Variants in MED12L observed in about 807,000 individuals in gnomAD.
MED12L encodes mediator complex subunit 12L, also known as mediator of RNA polymerase II transcription subunit 12-like protein.
A neutral mutation model predicts 281.3 loss-of-function variants in MED12L; 60 were observed. The ratio of observed to expected loss-of-function variants is 0.21; its 90% CI spans 0.17 to 0.26. The LOEUF is 0.26. Among genes scored for constraint, MED12L ranks in the 10% least tolerant of loss-of-function variants. The pLI, the probability that MED12L is intolerant of heterozygous loss-of-function variation, is 1.00. For synonymous variants in MED12L, 974 were observed against 987.2 expected (o/e 0.99, Z 0.25); for missense variants, 2,146 against 2,680.9 (o/e 0.80, Z 4.41).
At chr3:151,165,000 A>G (rs1720509364) in intron 9 of MED12L, among the ~76,000 whole-genome samples, 1 of 147,810 alleles carries the variant, frequency 6.8e-6, no homozygotes, top group Non-Finnish European at 1.5e-5. Context: ...CTTAAAGTAT[A>G]ATAAAAATAA....
At chr3:151,353,417 G>A (rs1753492129) in intron 17 of MED12L, among the ~76,000 whole-genome samples, 1 of 152,196 alleles carries the variant, frequency 6.6e-6, no homozygotes, top group African/African-American at 2.4e-5. Context: ...GAAAAAATAA[G>A]CAGGTTTAAT....
chr3:151,198,826 T>C, intron 16 of MED12L: 1 of 1,613,468 alleles, frequency 6.2e-7, no homozygotes, highest in East Asian at 2.2e-5. Flanking sequence ...AATTTAAAAA[T>C]ATTGCTACAC....
chr3:151,372,902 T>G, intron 27 of MED12L, 136 bp downstream of exon 27: 1 of 629,926 alleles, frequency 1.6e-6, no homozygotes, highest in East Asian at 2.8e-5. Context: ...ATTTTAAGTT[T>G]GCTGAAAAGT....
At chr3:151,128,088 G>A in intron 5 of MED12L, 104 bp downstream of exon 5, 1 of 1,032,126 alleles carries the variant, frequency 9.7e-7, no homozygotes, top group Non-Finnish European at 1.4e-6. Context: ...TGTTGAGAAG[G>A]TCCGTGGTGA....
chr3:151,114,544 A>C (rs1712425844), intron 2 of MED12L, among the ~76,000 whole-genome samples: 1 of 152,190 alleles, frequency 6.6e-6, no homozygotes, highest in Admixed American at 6.5e-5. Flanking sequence ...TTATGCATTC[A>C]GCAGTTACAT....
intron 16 of MED12L, among the ~76,000 whole-genome samples, chr3:151,207,612 G>A (rs565547071): frequency 2.0e-5 from 3 of 152,310 alleles, no homozygotes; most frequent in Non-Finnish European, 4.4e-5. Context: ...GAGAGCTCAT[G>A]GTTATACAAG....
chr3:151,293,982 A>G, intron 16 of MED12L: 1 of 559,562 alleles, frequency 1.8e-6, no homozygotes, highest in Non-Finnish European at 3.2e-6. Context: ...CCTGCCATTC[A>G]CCCATACGCT....
At chr3:151,387,699 C>G in intron 36 of MED12L, 111 bp from the exon 37 acceptor site, 2 of 1,343,086 alleles carry the variant, frequency 1.5e-6, no homozygotes, top group South Asian at 1.4e-5. Context: ...CTCGGGTTCT[C>G]TAGGGCTCAT....
At chr3:151,131,203 T>A (rs1715344104) in intron 5 of MED12L, among the ~76,000 whole-genome samples, 1 of 152,228 alleles carries the variant, frequency 6.6e-6, no homozygotes, top group Admixed American at 6.5e-5. Flanking sequence ...CTTGTCAGTG[T>A]TTTTCCTGAT....
intron 16 of MED12L, among the ~76,000 whole-genome samples, chr3:151,279,033 T>A (rs1023411665): frequency 6.6e-6 from 1 of 152,242 alleles, no homozygotes; most frequent in African/African-American, 2.4e-5. Context: ...CCTTTCAGGC[T>A]CTGTAATATA....
chr3:151,158,070 G>A (rs1719515804), intron 6 of MED12L, among the ~76,000 whole-genome samples: 3 of 152,298 alleles, frequency 2.0e-5, no homozygotes, highest in Middle Eastern at 3.4e-3. Context: ...TATAGGGTCT[G>A]TGTCACCCCC....
chr3:151,216,988 C>T (rs927559080), intron 16 of MED12L, among the ~76,000 whole-genome samples: 1 of 152,118 alleles, frequency 6.6e-6, no homozygotes, highest in Non-Finnish European at 1.5e-5. Context: ...AACCCCCCAG[C>T]GCCTGGCCAT....
Position 151,434,078 on chromosome 3 carries a change from T to C in MED12L, c.*1274T>C, listed in dbSNP as rs757874673. On this transcript the variant is annotated 3_prime_UTR_variant, in exon 45 of 45. Transcript: ENST00000687756. ...ATGCATAAAATTTTGAATGTGAAAATTGCAGGGCATTTTAAAACATATGTG... is the reference window on the plus strand; with the variant it reads ...ATGCATAAAATTTTGAATGTGAAAACTGCAGGGCATTTTAAAACATATGTG... 1.3e-5 allele frequency: 2 copies of C among 152,532 alleles called. No homozygotes were observed. Among genetic ancestry groups the C allele is most frequent in the Non-Finnish European group, 2.9e-5 (2 of 68,032 alleles). The allele number at this position is 152,532 out of a possible 1,614,324, so 9.4% of individuals were successfully genotyped here.
In MED12L at chr3:151,156,225, C is replaced by T. The variant is rs1474397343; in HGVS notation, c.621C>T (p.His207=). Residue 207 remains histidine, a synonymous_variant, in exon 6 of 45, where the codon CAC becomes CAT. Transcript: ENST00000687756. ...EQLAKISDFY[H]MASSTGDGPV... is the part of the protein sequence containing the mutation. ...TGGCCAAGATTTCTGACTTTTACCA[C>T]ATGGCCTCCAGCACGGGCGATGGCC... 6.2e-7 allele frequency: 1 copy of T among 1,613,582 alleles called. No homozygotes were observed. The highest frequency in any genetic ancestry group is 2.2e-5 in the East Asian group (1 of 44,840).
intron 40 of MED12L, among the ~76,000 whole-genome samples, chr3:151,410,904 C>T (rs953914748): frequency 6.6e-6 from 1 of 152,188 alleles, no homozygotes; most frequent in Non-Finnish European, 1.5e-5. Flanking sequence ...ATTAATAATA[C>T]TTCATCTGTT....
intron 12 of MED12L, 137 bp downstream of exon 12, chr3:151,185,598 AG>A: frequency 1.1e-6 from 1 of 892,628 alleles, no homozygotes; most frequent in Non-Finnish European, 1.6e-6. Flanking sequence ...AATTCACATA[AG>A]GAAGATTCTT....
intron 16 of MED12L, among the ~76,000 whole-genome samples, chr3:151,320,261 G>A (rs1223665077): frequency 5.9e-5 from 9 of 152,208 alleles, no homozygotes; most frequent in African/African-American, 1.7e-4. Context: ...TATAAAGGGC[G>A]TCATAGTCCT....
intron 16 of MED12L, among the ~76,000 whole-genome samples, chr3:151,306,326 T>C (rs1746646217): frequency 6.6e-6 from 1 of 152,234 alleles, no homozygotes; most frequent in Non-Finnish European, 1.5e-5. Context: ...AGTTCACACC[T>C]GAGAATGTGT....
intron 43 of MED12L, among the ~76,000 whole-genome samples, chr3:151,419,712 G>A (rs1404811235): frequency 6.6e-6 from 1 of 151,980 alleles, no homozygotes; most frequent in Non-Finnish European, 1.5e-5. Context: ...TAGTAAGGTC[G>A]TAATTACAGC....
Sources: gnomAD v4.1 joint callset for allele counts (sites outside exome capture counted in the v4.1 genomes callset) on GRCh38, gnomAD v4.1.1 for gene constraint, MANE v1.5 for transcripts, NCBI Gene and HGNC (gene_info 2026-07-23, HGNC 2026-07-21) for gene names.